Variants in ZNF724 observed in about 807,000 individuals in gnomAD.
The protein encoded by ZNF724 is zinc finger protein 724.
Under a neutral mutation model 29.3 loss-of-function variants are expected in ZNF724, and 14 were observed. The ratio of observed to expected loss-of-function variants is 0.48; its 90% CI spans 0.32 to 0.75. ZNF724 has a LOEUF of 0.75. Ranked by LOEUF, ZNF724 falls within the 30% of genes least tolerant of loss-of-function variation. The pLI, the probability that ZNF724 is intolerant of heterozygous loss-of-function variation, is 0.04. For missense variants in ZNF724, 557 were observed against 571.2 expected (o/e 0.98, Z 0.25); for synonymous variants, 180 against 193.6 (o/e 0.93, Z 0.58).
intron 1 of ZNF724, among the ~76,000 whole-genome samples, chr19:23,241,059 A>T (rs542543608): frequency 6.6e-5 from 10 of 151,126 alleles, no homozygotes; most frequent in African/African-American, 2.2e-4. Flanking sequence ...ACAACAAAAA[A>T]AAAAGACTAC....
chr19:23,249,023 G>A (rs1310203792), intron 1 of ZNF724, among the ~76,000 whole-genome samples: 1 of 44,118 alleles, frequency 2.3e-5, no homozygotes, highest in African/African-American at 4.3e-5. Flanking sequence ...AAAAAACTAA[G>A]AAGAAGAAAA....
intron 1 of ZNF724, chr19:23,242,613 C>T (rs1338388610): frequency 6.6e-6 from 1 of 151,584 alleles, no homozygotes. Context: ...ACTTGGGAGG[C>T]TGAGGCAGGA....
chr19:23,237,045 G>T (rs970047679), intron 1 of ZNF724, among the ~76,000 whole-genome samples: 3 of 151,952 alleles, frequency 2.0e-5, no homozygotes, highest in Non-Finnish European at 4.4e-5. Flanking sequence ...TAGAGACAGG[G>T]TTTCACCATA....
intron 2 of ZNF724, 118 bp from the exon 3 acceptor site, chr19:23,231,479 A>G: frequency 1.3e-6 from 1 of 768,710 alleles, no homozygotes. Context: ...ATTTAAAACA[A>G]ATTTCTAAAT....
intron 1 of ZNF724, among the ~76,000 whole-genome samples, chr19:23,233,939 G>C (rs1971982792): frequency 1.3e-5 from 2 of 152,116 alleles, no homozygotes; most frequent in Non-Finnish European, 2.9e-5. Flanking sequence ...ACAGGCAGAA[G>C]GACCAAGACC....
At chr19:23,236,875 CAG>C (rs1462702149) in intron 1 of ZNF724, 2 of 151,388 alleles carry the variant, frequency 1.3e-5, no homozygotes, top group African/African-American at 2.4e-5. Context: ...TTTTTTGAGA[CAG>C]AGTCTTGCTT....
intron 1 of ZNF724, among the ~76,000 whole-genome samples, chr19:23,237,372 T>A (rs965923623): frequency 6.6e-6 from 1 of 152,126 alleles, no homozygotes; most frequent in African/African-American, 2.4e-5. Flanking sequence ...TTAATATGCA[T>A]GTCAGGCTAA....
intron 1 of ZNF724, among the ~76,000 whole-genome samples, chr19:23,249,862 T>G (rs1445885378): frequency 6.6e-6 from 1 of 152,052 alleles, no homozygotes. Flanking sequence ...GGGGGAAAGA[T>G]GAACTGGAAA....
intron 3 of ZNF724, among the ~76,000 whole-genome samples, chr19:23,230,033 C>T (rs1241909696): frequency 2.6e-5 from 4 of 152,034 alleles, no homozygotes; most frequent in South Asian, 2.1e-4. Flanking sequence ...AATTAATATA[C>T]TCAGTAAATT....
At chr19:23,232,107 CA>C (rs1971944611) in intron 2 of ZNF724, 59 bp downstream of exon 2, 4 of 1,204,646 alleles carry the variant, frequency 3.3e-6, no homozygotes, top group East Asian at 4.7e-5. Context: ...AAACATCCTA[CA>C]AAAAAACAAA....
rs1408071838 is a variant in ZNF724, at chr19:23,243,460, A to G, written c.3+6780T>C. Among the ~76,000 whole-genome samples the G allele has an allele frequency of 5.6e-5, 7 of 125,814 alleles. No homozygotes were observed. The East Asian group carries it at 1.8e-3, about 32-fold the overall frequency. 82.5% of individuals were successfully genotyped at this position (125,814 alleles called of 152,430 possible). On this transcript the variant is annotated intron_variant, in intron 1 of 3. Transcript: ENST00000418100. ...CACTGCACTCCAGCCTGAGTGACAGAGCGAGAGTCCATCTCAAAAAAAAAA... is the reference window on the plus strand; with the variant it reads ...CACTGCACTCCAGCCTGAGTGACAGGGCGAGAGTCCATCTCAAAAAAAAAA...
At position 23,222,626 on chromosome 19, in the gene ZNF724, C is replaced by T. The variant is rs772383563; in HGVS notation, c.1619G>A (p.Gly540Asp). The change falls in exon 4 of 4, where the codon GGC becomes GAC. Residue 540 changes from glycine to aspartate, a missense_variant. Physicochemically the swap from Gly to Asp is moderately conservative, Grantham distance 94. This residue lies in a region of ZNF724 where 170 missense variants were observed against 220.7 expected (regional missense o/e 0.77). Coordinates refer to ENST00000418100, the MANE Select transcript of ZNF724 (RefSeq NM_001355404.2). ...GTTTGAGTATTGGTAAAAAGCTTTGCCACATTCTTCACATTTGTAGGGTTT... is the reference window on the plus strand; with the variant it reads ...GTTTGAGTATTGGTAAAAAGCTTTGTCACATTCTTCACATTTGTAGGGTTT... ...GEKPYKCEECGKAFYQYSNLT... is the reference protein window; with the variant it reads ...GEKPYKCEECDKAFYQYSNLT... 2.2e-6 allele frequency: 3 copies of T among 1,359,444 alleles called. No individual in the cohort carries two copies. The highest frequency in any genetic ancestry group is 3.2e-6 in the Non-Finnish European group (3 of 952,180). The allele number at this position is 1,359,444 out of a possible 1,614,324, so 84.2% of individuals were successfully genotyped here. A position where few individuals can be genotyped will look rare whatever the true frequency, so the allele number is the denominator to read the frequency against.
intron 1 of ZNF724, among the ~76,000 whole-genome samples, chr19:23,242,232 A>G (rs1453274893): frequency 6.6e-6 from 1 of 152,202 alleles, no homozygotes; most frequent in East Asian, 1.9e-4. Context: ...GAGATGACAC[A>G]AACAAATGCA....
intron 1 of ZNF724, among the ~76,000 whole-genome samples, chr19:23,240,620 TTTAAGCACATAATTGC>T (rs1972103786): frequency 1.3e-5 from 2 of 151,476 alleles, no homozygotes; most frequent in African/African-American, 2.4e-5. Context: ...AAACAGCAGA[TTTAAGCACATAATTGC>T]TTAAACCAGG....
intron 1 of ZNF724, among the ~76,000 whole-genome samples, chr19:23,242,149 C>T (rs1599647507): frequency 1.3e-5 from 2 of 152,148 alleles, no homozygotes; most frequent in South Asian, 4.1e-4. Flanking sequence ...AATAAGGTAT[C>T]TAGGAATACA....
At chr19:23,245,571 C>A (rs537203339) in intron 1 of ZNF724, among the ~76,000 whole-genome samples, 192 of 152,110 alleles carry the variant, frequency 1.3e-3, no homozygotes, top group African/African-American at 4.4e-3. Flanking sequence ...AGAGATCGCG[C>A]CACTGCACTC....
At chr19:23,237,432 ATATC>A (rs1280928778) in intron 1 of ZNF724, among the ~76,000 whole-genome samples, 7 of 152,130 alleles carry the variant, frequency 4.6e-5, no homozygotes, top group Non-Finnish European at 5.9e-5. Context: ...TTAGATATAA[ATATC>A]TAAGCATAAA....
intron 1 of ZNF724, among the ~76,000 whole-genome samples, chr19:23,237,067 G>A (rs1251867080): frequency 1.3e-5 from 2 of 152,038 alleles, no homozygotes; most frequent in Non-Finnish European, 2.9e-5. Context: ...TAGCCAGGCT[G>A]GTCTCAAACT....
At chr19:23,224,579 G>C (rs1311235412) in intron 3 of ZNF724, among the ~76,000 whole-genome samples, 3 of 152,036 alleles carry the variant, frequency 2.0e-5, no homozygotes, top group Non-Finnish European at 4.4e-5. Context: ...ACAATGCAAA[G>C]AGCCACAAAG....
Sources: gnomAD v4.1 joint callset for allele counts (sites outside exome capture counted in the v4.1 genomes callset) on GRCh38, gnomAD v4.1.1 for gene constraint, gnomAD v4.1.1 regional missense constraint, MANE v1.5 for transcripts, NCBI Gene and HGNC (gene_info 2026-07-23, HGNC 2026-07-21) for gene names.